Variants in CLNK observed in about 807,000 individuals in gnomAD.
CLNK encodes the protein cytokine-dependent hematopoietic cell linker.
CLNK carries 74 observed loss-of-function variants against 68.6 expected under a neutral mutation model. The observed-to-expected ratio is 1.08, with a 90% CI of 0.89 to 1.31. The LOEUF is 1.31. Among genes scored for constraint, CLNK ranks in the 50% most tolerant of loss-of-function variants. CLNK has a pLI of 0.00. For synonymous variants in CLNK, 198 were observed against 172.2 expected (o/e 1.15, Z -1.17); for missense variants, 553 against 515.3 (o/e 1.07, Z -0.71).
At chr4:10,529,500 T>C (rs948427077) in intron 12 of CLNK, among the ~76,000 whole-genome samples, 5 of 152,222 alleles carry the variant, frequency 3.3e-5, no homozygotes, top group African/African-American at 1.2e-4. Flanking sequence ...TGCCTCCCTC[T>C]GAAGCTAGCC....
At chr4:10,535,213 G>GAGAAAGAAAGAAAGAA (rs57053319) in intron 11 of CLNK, among the ~76,000 whole-genome samples, 17,948 of 131,014 alleles carry the variant, frequency 0.14, 1,511 homozygotes, top group East Asian at 0.2. Flanking sequence ...AAGAAAGAAA[G>GAGAAAGAAAGAAAGAA]AGAAAGAAAG....
intron 2 of CLNK, among the ~76,000 whole-genome samples, chr4:10,616,790 G>GTATATATATATATATATATATATA (rs58333228): frequency 1.6e-5 from 1 of 64,360 alleles, no homozygotes; most frequent in Non-Finnish European, 4.2e-5. Context: ...GTGTGTGTGT[G>GTATATATATATATATATATATATA]TATATATATA....
chr4:10,668,422 G>A (rs13115026), intron 1 of CLNK, among the ~76,000 whole-genome samples: 42,468 of 152,052 alleles, frequency 0.28, 6,108 homozygotes, highest in Admixed American at 0.33. Context: ...ATATAAATTA[G>A]CAGCAGAGAC....
At chr4:10,702,921 G>GAGCC in the CLNK span, among the ~76,000 whole-genome samples, 1 of 152,102 alleles carries the variant, frequency 6.6e-6, no homozygotes, top group Non-Finnish European at 1.5e-5. Flanking sequence ...GAAATCTGAG[G>GAGCC]AGCCAGCACC....
chr4:10,701,515 G>T, the CLNK span, among the ~76,000 whole-genome samples: 1 of 152,196 alleles, frequency 6.6e-6, no homozygotes, highest in African/African-American at 2.4e-5. Flanking sequence ...AGCCTGTTGT[G>T]CTGTGAGATA....
the CLNK span, among the ~76,000 whole-genome samples, chr4:10,724,994 C>T: frequency 2.0e-5 from 3 of 152,094 alleles, no homozygotes; most frequent in South Asian, 4.2e-4. Flanking sequence ...GGCGGAGTCA[C>T]GGACACCTGT....
chr4:10,506,154 A>C (rs550659307), intron 17 of CLNK, among the ~76,000 whole-genome samples: 9 of 152,014 alleles, frequency 5.9e-5, no homozygotes, highest in East Asian at 3.9e-4. Flanking sequence ...GCTCTTTGGG[A>C]TGTTGGTTGT....
intron 12 of CLNK, among the ~76,000 whole-genome samples, chr4:10,529,826 C>T (rs1382811453): frequency 1.3e-5 from 2 of 152,132 alleles, no homozygotes; most frequent in Non-Finnish European, 2.9e-5. Flanking sequence ...TTGAGACCAA[C>T]CAACTTTTGG....
chr4:10,647,621 T>C (rs1723560733), intron 2 of CLNK, among the ~76,000 whole-genome samples: 2 of 152,138 alleles, frequency 1.3e-5, no homozygotes, highest in South Asian at 4.1e-4. Context: ...AGATATGAGA[T>C]TCTTATTAGC....
chr4:10,671,125 C>A (rs2108895967), intron 1 of CLNK, among the ~76,000 whole-genome samples: 1 of 152,212 alleles, frequency 6.6e-6, no homozygotes, highest in South Asian at 2.1e-4. Context: ...GTGGCTCACA[C>A]CTGTAATCCC....
chr4:10,699,810 C>T, the CLNK span, among the ~76,000 whole-genome samples: 10 of 151,864 alleles, frequency 6.6e-5, no homozygotes, highest in African/African-American at 1.9e-4. Context: ...CACGGCACCC[C>T]GCCACTCCAT....
At chr4:10,506,064 A>G (rs1450987040) in intron 17 of CLNK, among the ~76,000 whole-genome samples, 1 of 152,060 alleles carries the variant, frequency 6.6e-6, no homozygotes, top group Admixed American at 6.6e-5. Context: ...TTGATGTTGC[A>G]TCAGTCTTGA....
At chr4:10,683,235 A>G (rs765919044) in intron 1 of CLNK, among the ~76,000 whole-genome samples, 9 of 152,180 alleles carry the variant, frequency 5.9e-5, no homozygotes, top group Non-Finnish European at 1.3e-4. Context: ...CAGTCTTTCT[A>G]AGACAGCACC....
chr4:10,605,527 A>G (rs1020780528), intron 2 of CLNK, among the ~76,000 whole-genome samples: 1 of 152,162 alleles, frequency 6.6e-6, no homozygotes, highest in African/African-American at 2.4e-5. Context: ...TTAAAAAAAG[A>G]TAAAAAAGGT....
intron 2 of CLNK, among the ~76,000 whole-genome samples, chr4:10,644,771 T>G (rs6811986): frequency 6.6e-6 from 1 of 152,162 alleles, no homozygotes; most frequent in Non-Finnish European, 1.5e-5. Context: ...ACTGACTTCA[T>G]TATGGCTCAG....
Position 10,571,786 on chromosome 4 carries a change from C to T in CLNK, c.113-8G>A. 1 of 1,610,616 alleles carries T rather than the reference C, an allele frequency of 6.2e-7. No individual in the cohort carries two copies. The highest frequency in any genetic ancestry group is 8.5e-7 in the Non-Finnish European group (1 of 1,177,224). ...TCATCCTCTGGTACTGGCCTGCCAA[C>T]ACAAACAGACCGAGTGTTATTTTAA... On this transcript the variant is annotated splice_polypyrimidine_tract_variant and splice_region_variant and intron_variant, in intron 4 of 18. Coordinates refer to ENST00000226951, the MANE Select transcript of CLNK (RefSeq NM_052964.4).
chr4:10,534,920 A>G (rs10488948), intron 11 of CLNK, among the ~76,000 whole-genome samples: 97,821 of 151,970 alleles, frequency 0.64, 32,776 homozygotes, highest in Non-Finnish European at 0.75. Flanking sequence ...CTCTATAACC[A>G]TACTTTCTCT....
intron 18 of CLNK, among the ~76,000 whole-genome samples, chr4:10,500,007 G>A (rs1716975033): frequency 6.6e-6 from 1 of 152,122 alleles, no homozygotes; most frequent in Admixed American, 6.5e-5. Context: ...TGGGTTTTTT[G>A]GAATGAGGGA....
intron 17 of CLNK, among the ~76,000 whole-genome samples, chr4:10,503,229 C>T (rs547644766): frequency 4.3e-4 from 65 of 152,094 alleles, no homozygotes; most frequent in African/African-American, 1.4e-3. Flanking sequence ...GGGAGGCCGA[C>T]GCGGGTGGAT....
Sources: gnomAD v4.1 joint callset for allele counts (sites outside exome capture counted in the v4.1 genomes callset) on GRCh38, gnomAD v4.1.1 for gene constraint, MANE v1.5 for transcripts, NCBI Gene and HGNC (gene_info 2026-07-23, HGNC 2026-07-21) for gene names.